Variants in OVOL2 observed in about 807,000 individuals in gnomAD.
OVOL2 encodes the protein ovo like zinc finger 2.
A neutral mutation model predicts 18.1 loss-of-function variants in OVOL2; 13 were observed. That is an observed-to-expected ratio of 0.72 (90% CI 0.47 to 1.14). The LOEUF is 1.14. Ranked by LOEUF, OVOL2 falls within the 50% of genes most tolerant of loss-of-function variation. OVOL2 has a pLI of 0.00. For missense variants in OVOL2, 335 were observed against 383.0 expected (o/e 0.87, Z 1.05); for synonymous variants, 166 against 162.7 (o/e 1.02, Z -0.16).
chr20:18,041,874 T>C (rs534599379), intron 2 of OVOL2, 151 bp from the exon 3 acceptor site: 1 of 568,444 alleles, frequency 1.8e-6, no homozygotes, highest in East Asian at 3.2e-5. Flanking sequence ...TTGGGAAAGG[T>C]GAAGTAACAA....
At position 18,057,643 on chromosome 20, in the gene OVOL2, C is replaced by A; in HGVS notation, c.-9G>T. ...AGGAAGACTTTGGGCATGGTGGGGT[C>A]CCCTCTCCCGACTGCGGCCCCCTCC... On this transcript the variant is annotated 5_prime_UTR_variant, in exon 1 of 4. Coordinates refer to ENST00000278780, the MANE Select transcript of OVOL2 (RefSeq NM_021220.4). This position sits in a 1 kb window ranked among gnomAD's most constrained non-coding sequence, Gnocchi z 6.3. 6.4e-7 allele frequency: 1 copy of A among 1,566,904 alleles called. No homozygotes were observed. The highest frequency in any genetic ancestry group is 8.7e-7 in the Non-Finnish European group (1 of 1,155,758).
At chr20:18,034,972 C>T (rs1375854514) in intron 3 of OVOL2, among the ~76,000 whole-genome samples, 1 of 152,136 alleles carries the variant, frequency 6.6e-6, no homozygotes, top group East Asian at 1.9e-4. Flanking sequence ...GGGTCCTCGG[C>T]CCTGGGTCCT....
At position 18,057,150 on chromosome 20, in the gene OVOL2, C is replaced by T. The variant is rs1043916801; in HGVS notation, c.101-273G>A. 2.7e-5 allele frequency among the ~76,000 whole-genome samples: 4 copies of T among 150,926 alleles called. No homozygotes were observed. The East Asian group carries it at 8.0e-4, about 30-fold the overall frequency. On this transcript the variant is annotated intron_variant, in intron 1 of 3. Transcript: ENST00000278780. The surrounding 1 kb of genome is among the most constrained non-coding windows in gnomAD (Gnocchi z 6.3). ...GGACCCCGCGCGCCAAGTTTCCTCT[C>T]AGGGCGGGGGAGGCGGATCTGACCT...
chr20:18,041,787 AG>A (rs1048806835), intron 2 of OVOL2, 64 bp from the exon 3 acceptor site: 1 of 1,484,812 alleles, frequency 6.7e-7, no homozygotes, highest in Non-Finnish European at 9.2e-7. Context: ...GGCTCACTCA[AG>A]AGACCCACCT....
chr20:18,051,917 T>G (rs1053281887), intron 2 of OVOL2, among the ~76,000 whole-genome samples: 7 of 152,164 alleles, frequency 4.6e-5, no homozygotes, highest in African/African-American at 1.7e-4. Flanking sequence ...TGTATTTTTT[T>G]TTAATAGAGT....
intron 3 of OVOL2, among the ~76,000 whole-genome samples, chr20:18,034,547 C>A (rs1274051318): frequency 6.6e-6 from 1 of 152,070 alleles, no homozygotes; most frequent in East Asian, 1.9e-4. Context: ...CAAAATATTA[C>A]AGAGTTTTTC....
At chr20:18,037,539 C>T in intron 3 of OVOL2, among the ~76,000 whole-genome samples, 1 of 152,228 alleles carries the variant, frequency 6.6e-6, no homozygotes, top group East Asian at 1.9e-4. Context: ...TCTTCTGCCT[C>T]CCAGGGCGGA....
chr20:18,042,724 C>T (rs2036684342), intron 2 of OVOL2, among the ~76,000 whole-genome samples: 1 of 133,432 alleles, frequency 7.5e-6, no homozygotes, highest in Non-Finnish European at 1.5e-5. Context: ...TGCGGTGAGC[C>T]AAGATCGGGC....
intron 2 of OVOL2, among the ~76,000 whole-genome samples, chr20:18,046,516 C>T (rs948016766): frequency 2.0e-5 from 3 of 152,178 alleles, no homozygotes; most frequent in African/African-American, 7.2e-5. Context: ...CCCAGTCATC[C>T]CACAGAGGTG....
chr20:18,030,773 C>A (rs1387133814), intron 3 of OVOL2, among the ~76,000 whole-genome samples: 5 of 152,212 alleles, frequency 3.3e-5, no homozygotes, highest in Admixed American at 1.3e-4. Context: ...AGTTATGGCA[C>A]TTCTGACTTT....
chr20:18,041,692 A>G lies in OVOL2; in HGVS notation c.353T>C (p.Val118Ala). ...FTTGTCSDSVVHSCDLCGKGF... is the reference protein window; with the variant it reads ...FTTGTCSDSVAHSCDLCGKGF... ...CTTGCCACACAGGTCACAGCTGTGAACCACCGAGTCGCTGCACGTGCCTGT... is the reference window on the plus strand; with the variant it reads ...CTTGCCACACAGGTCACAGCTGTGAGCCACCGAGTCGCTGCACGTGCCTGT... The change falls in exon 3 of 4, where the codon GTT becomes GCT. Residue 118 changes from valine to alanine, a missense_variant. Transcript: ENST00000278780. 6.2e-7 allele frequency: 1 copy of G among 1,613,684 alleles called. No homozygotes were observed. The highest frequency in any genetic ancestry group is 8.5e-7 in the Non-Finnish European group (1 of 1,179,804).
chr20:18,046,250 G>A (rs530216697), intron 2 of OVOL2, among the ~76,000 whole-genome samples: 97 of 152,298 alleles, frequency 6.4e-4, no homozygotes, highest in South Asian at 2.9e-3. Context: ...TATGCCTTGT[G>A]CCTTGAAATT....
At chr20:18,049,183 T>C (rs2036749802) in intron 2 of OVOL2, among the ~76,000 whole-genome samples, 2 of 152,148 alleles carry the variant, frequency 1.3e-5, no homozygotes, top group South Asian at 4.1e-4. Context: ...CTCCTCAAGT[T>C]CTTCTTCTAG....
chr20:18,055,814 G>A (rs1036120843), intron 2 of OVOL2, among the ~76,000 whole-genome samples: 8 of 152,344 alleles, frequency 5.3e-5, no homozygotes, highest in Admixed American at 5.2e-4. Flanking sequence ...GCTAGAAAGA[G>A]GGGCCAAGTG....
At chr20:18,030,480 C>T (rs1281064973) in intron 3 of OVOL2, among the ~76,000 whole-genome samples, 5 of 152,180 alleles carry the variant, frequency 3.3e-5, no homozygotes, top group African/African-American at 9.7e-5. Flanking sequence ...GATCTGCCCC[C>T]GAGGAGAGGC....
intron 3 of OVOL2, among the ~76,000 whole-genome samples, chr20:18,037,920 C>T (rs914730135): frequency 6.6e-6 from 1 of 151,816 alleles, no homozygotes; most frequent in Admixed American, 6.6e-5. Flanking sequence ...ATCCTTGTGT[C>T]GCGTCTGCTT....
rs1345108808 is a variant in OVOL2, at chr20:18,056,120, C to T, written c.321+537G>A. On this transcript the variant is annotated intron_variant, in intron 2 of 3. Coordinates refer to ENST00000278780, the MANE Select transcript of OVOL2 (RefSeq NM_021220.4). The surrounding 1 kb of genome is among the most constrained non-coding windows in gnomAD (Gnocchi z 4.2). ...AAAGTGCCGTGCACAAGCCTCCTGT[C>T]TGACAGACACTGGGAACCGGTTCAT... Among the ~76,000 whole-genome samples, 1 of 152,226 alleles carries T rather than the reference C, an allele frequency of 6.6e-6. No homozygotes were observed. Among genetic ancestry groups the T allele is most frequent in the Non-Finnish European group, 1.5e-5 (1 of 68,042 alleles).
rs1247676447 is a variant in OVOL2, at chr20:18,047,872, A to G, written c.322-6149T>C. On this transcript the variant is annotated intron_variant, in intron 2 of 3. Coordinates refer to ENST00000278780, the MANE Select transcript of OVOL2 (RefSeq NM_021220.4). ...CCGTCTCAAAAAAAAAAAAAAAAAAAAAAAAGAAAGAAATGAAGAAATTAA... is the reference window on the plus strand; with the variant it reads ...CCGTCTCAAAAAAAAAAAAAAAAAAGAAAAAGAAAGAAATGAAGAAATTAA... Among the ~76,000 whole-genome samples the G allele has an allele frequency of 1.4e-4, 21 of 151,470 alleles. 1 individual carries two copies. The East Asian group carries it at 4.1e-3, about 29-fold the overall frequency.
At chr20:18,042,662 G>A (rs2036683355) in intron 2 of OVOL2, among the ~76,000 whole-genome samples, 1 of 151,220 alleles carries the variant, frequency 6.6e-6, no homozygotes, top group Admixed American at 6.6e-5. Flanking sequence ...TGTAATCCCA[G>A]CTACTCGGGA....
Sources: gnomAD v4.1 joint callset for allele counts (sites outside exome capture counted in the v4.1 genomes callset) on GRCh38, gnomAD v4.1.1 for gene constraint, Gnocchi (gnomAD v3.1) non-coding constraint, MANE v1.5 for transcripts, NCBI Gene and HGNC (gene_info 2026-07-23, HGNC 2026-07-21) for gene names.